KCTD16: variants seen among roughly 807,000 people sequenced by gnomAD.
The protein encoded by KCTD16 is potassium channel tetramerization domain containing 16.
KCTD16 carries 13 observed loss-of-function variants against 33.2 expected under a neutral mutation model. That is an observed-to-expected ratio of 0.39 (90% CI 0.25 to 0.62). The LOEUF is 0.62. Among genes scored for constraint, KCTD16 ranks in the 20% least tolerant of loss-of-function variants. The pLI is 0.50. For synonymous variants in KCTD16, 197 were observed against 195.3 expected (o/e 1.01, Z -0.07); for missense variants, 441 against 525.1 (o/e 0.84, Z 1.57).
chr5:144,370,050 G>T (rs1379074380), intron 3 of KCTD16, among the ~76,000 whole-genome samples: 4 of 152,154 alleles, frequency 2.6e-5, no homozygotes, highest in Admixed American at 2.0e-4. Flanking sequence ...GGGGTACAAA[G>T]ATAGGGAGAG....
intron 2 of KCTD16, among the ~76,000 whole-genome samples, chr5:144,182,999 T>C (rs981954742): frequency 2.0e-5 from 3 of 151,598 alleles, no homozygotes; most frequent in Non-Finnish European, 2.9e-5. Flanking sequence ...TATGTACATG[T>C]ATATAAAAAG....
chr5:144,280,919 G>A (rs577376391), intron 3 of KCTD16, among the ~76,000 whole-genome samples: 2 of 141,230 alleles, frequency 1.4e-5, no homozygotes, highest in South Asian at 2.3e-4. Context: ...GCCGGGCGTG[G>A]TGGTGGGAGC....
intron 3 of KCTD16, among the ~76,000 whole-genome samples, chr5:144,210,175 A>G: frequency 6.6e-6 from 1 of 152,114 alleles, no homozygotes; most frequent in Non-Finnish European, 1.5e-5. Flanking sequence ...TGAATAAGTT[A>G]GATTCTTACC....
intron 3 of KCTD16, among the ~76,000 whole-genome samples, chr5:144,412,908 G>T (rs1484368302): frequency 6.6e-6 from 1 of 152,042 alleles, no homozygotes; most frequent in African/African-American, 2.4e-5. Flanking sequence ...AAATAAGTAA[G>T]ATCTAATGTT....
chr5:144,368,888 G>A (rs916465549), intron 3 of KCTD16, among the ~76,000 whole-genome samples: 11 of 152,108 alleles, frequency 7.2e-5, no homozygotes, highest in African/African-American at 1.9e-4. Context: ...ACGCTAATTC[G>A]TTCAAAATAA....
At chr5:144,307,085 A>G (rs1411225568) in intron 3 of KCTD16, among the ~76,000 whole-genome samples, 1 of 152,082 alleles carries the variant, frequency 6.6e-6, no homozygotes, top group Admixed American at 6.6e-5. Flanking sequence ...CCTTCTCCAT[A>G]CCTGCATGCC....
chr5:144,449,795 A>G (rs1753900517), intron 3 of KCTD16, among the ~76,000 whole-genome samples: 1 of 151,982 alleles, frequency 6.6e-6, no homozygotes. Flanking sequence ...TAGACAAAAA[A>G]TCAACTTAAA....
chr5:144,328,042 C>T (rs192102119), intron 3 of KCTD16, among the ~76,000 whole-genome samples: 40 of 152,232 alleles, frequency 2.6e-4, no homozygotes, highest in African/African-American at 9.1e-4. Context: ...AACAACATCA[C>T]ACTATGTATA....
intron 3 of KCTD16, among the ~76,000 whole-genome samples, chr5:144,268,585 C>G (rs1260446078): frequency 6.6e-6 from 1 of 152,042 alleles, no homozygotes; most frequent in Non-Finnish European, 1.5e-5. Flanking sequence ...AAAAATAAAA[C>G]CCCCAAACAA....
intron 3 of KCTD16, among the ~76,000 whole-genome samples, chr5:144,342,711 G>A (rs1261353815): frequency 6.6e-6 from 1 of 152,130 alleles, no homozygotes; most frequent in South Asian, 2.1e-4. Flanking sequence ...TATTGGCTGT[G>A]GGTTTGTCAT....
chr5:144,199,344 T>G (rs1175983771), intron 2 of KCTD16, among the ~76,000 whole-genome samples: 1 of 152,192 alleles, frequency 6.6e-6, no homozygotes, highest in Non-Finnish European at 1.5e-5. Flanking sequence ...TAAAGAAGAC[T>G]CCACCAACAT....
intron 3 of KCTD16, among the ~76,000 whole-genome samples, chr5:144,464,386 C>G (rs1403198521): frequency 2.0e-5 from 3 of 152,070 alleles, no homozygotes; most frequent in Non-Finnish European, 4.4e-5. Flanking sequence ...TAGCTGGAGG[C>G]AATTTTACCC....
At chr5:144,220,265 A>G (rs1753701690) in intron 3 of KCTD16, among the ~76,000 whole-genome samples, 1 of 152,198 alleles carries the variant, frequency 6.6e-6, no homozygotes, top group South Asian at 2.1e-4. Flanking sequence ...TGAAGTAGCC[A>G]GTGTTTTCCT....
intron 3 of KCTD16, among the ~76,000 whole-genome samples, chr5:144,259,937 A>C (rs1423636088): frequency 6.6e-6 from 1 of 152,190 alleles, no homozygotes; most frequent in Non-Finnish European, 1.5e-5. Context: ...TCATGTCATA[A>C]TGTTCAATAC....
At chr5:144,418,312 T>C (rs1753129244) in intron 3 of KCTD16, among the ~76,000 whole-genome samples, 1 of 152,158 alleles carries the variant, frequency 6.6e-6, no homozygotes, top group Non-Finnish European at 1.5e-5. Context: ...CCTGCTTTTA[T>C]TACCTTATTT....
chr5:144,347,234 C>G (rs1374789243), intron 3 of KCTD16, among the ~76,000 whole-genome samples: 1 of 152,082 alleles, frequency 6.6e-6, no homozygotes, highest in Non-Finnish European at 1.5e-5. Flanking sequence ...TTTAAATAGC[C>G]ACATGGAACT....
chr5:144,288,403 T>G (rs1464431821), intron 3 of KCTD16, among the ~76,000 whole-genome samples: 1 of 152,112 alleles, frequency 6.6e-6, no homozygotes, highest in Non-Finnish European at 1.5e-5. Context: ...GTGGGAGCAT[T>G]GCTTGGCACC....
chr5:144,251,510 A>G (rs1754700454), intron 3 of KCTD16, among the ~76,000 whole-genome samples: 1 of 152,222 alleles, frequency 6.6e-6, no homozygotes, highest in African/African-American at 2.4e-5. Context: ...ATTTAAAAGT[A>G]GCAGAAACAA....
At chr5:144,295,980 A>G (rs1231817963) in intron 3 of KCTD16, among the ~76,000 whole-genome samples, 2 of 152,256 alleles carry the variant, frequency 1.3e-5, no homozygotes, top group African/African-American at 4.8e-5. Flanking sequence ...TCTGACCTAT[A>G]GAGACCTGTA....
Sources: allele counts gnomAD v4.1 joint callset (sites outside exome capture counted in the v4.1 genomes callset), GRCh38; gene constraint gnomAD v4.1.1; transcripts MANE v1.5; gene names NCBI Gene and HGNC (gene_info 2026-07-23, HGNC 2026-07-21).